Variants in AVEN observed in about 807,000 individuals in gnomAD.
AVEN encodes the protein apoptosis and caspase activation inhibitor.
In AVEN, 41 loss-of-function variants were observed where a neutral mutation model predicts 38.1. The ratio of observed to expected loss-of-function variants is 1.08; its 90% CI spans 0.84 to 1.40. The LOEUF (loss-of-function observed/expected upper bound fraction) is 1.40. Ranked by LOEUF, AVEN falls within the 40% of genes most tolerant of loss-of-function variation. The pLI, the probability that AVEN is intolerant of heterozygous loss-of-function variation, is 0.00. For missense variants in AVEN, 605 were observed against 438.8 expected (o/e 1.38, Z -3.38); for synonymous variants, 206 against 171.8 (o/e 1.20, Z -1.56).
intron 1 of AVEN, among the ~76,000 whole-genome samples, chr15:34,017,438 G>A (rs1391394958): frequency 6.7e-6 from 1 of 149,760 alleles, no homozygotes; most frequent in East Asian, 2.0e-4. Flanking sequence ...ATTCTCGTAA[G>A]ATGCCAATTA....
At chr15:33,958,768 T>TA (rs1171683904) in intron 2 of AVEN, among the ~76,000 whole-genome samples, 1 of 152,210 alleles carries the variant, frequency 6.6e-6, no homozygotes. Flanking sequence ...TTGTTTATTT[T>TA]ACCTGGTCTG....
In AVEN at chr15:33,908,951, C is replaced by T. The variant is rs141649413; in HGVS notation, c.446-32956G>A. Among the ~76,000 whole-genome samples, 708 of 152,282 alleles carry T rather than the reference C, an allele frequency of 4.6e-3. 6 individuals carry two copies. The highest frequency in any genetic ancestry group is 0.017 in the African/African-American group (686 of 41,550). On this transcript the variant is annotated intron_variant, in intron 2 of 5. Transcript: ENST00000306730. ...CCTGAGATCTGGGCAGTTTCCTTCA[C>T]ATGATTTTTGCTGAATTCTGAAGCT...
At chr15:33,999,948 G>A (rs572775357) in intron 2 of AVEN, among the ~76,000 whole-genome samples, 25 of 152,250 alleles carry the variant, frequency 1.6e-4, no homozygotes, top group African/African-American at 5.5e-4. Context: ...AATACTACGC[G>A]ATCTGGCTGG....
chr15:33,853,016 G>C, the AVEN span: 1 of 1,591,130 alleles, frequency 6.3e-7, no homozygotes, highest in Admixed American at 1.8e-5. Context: ...TAAGAATGAA[G>C]AACCAACCTT....
intron 2 of AVEN, among the ~76,000 whole-genome samples, chr15:33,939,772 C>T (rs559077339): frequency 6.6e-6 from 1 of 152,104 alleles, no homozygotes; most frequent in South Asian, 2.1e-4. Context: ...AACACTACCC[C>T]CTAATGTAAT....
intron 2 of AVEN, among the ~76,000 whole-genome samples, chr15:33,880,671 A>G (rs16958185): frequency 0.028 from 4,235 of 152,288 alleles, 196 homozygotes; most frequent in African/African-American, 0.095. Context: ...ATAATTTTTA[A>G]TTTACAATGT....
At chr15:34,047,441 C>G (rs1350786241) in intron 5 of AVEN, among the ~76,000 whole-genome samples, 3 of 152,180 alleles carry the variant, frequency 2.0e-5, no homozygotes, top group East Asian at 3.9e-4. Flanking sequence ...TCCATCTGCA[C>G]ATACCCCTAG....
At chr15:33,955,491 C>T (rs546005943) in intron 2 of AVEN, among the ~76,000 whole-genome samples, 117 of 152,244 alleles carry the variant, frequency 7.7e-4, no homozygotes, top group Non-Finnish European at 1.6e-3. Flanking sequence ...AGAATTATAA[C>T]GTCCTAGACC....
At chr15:33,906,616 A>T (rs924484390) in intron 2 of AVEN, among the ~76,000 whole-genome samples, 1 of 152,238 alleles carries the variant, frequency 6.6e-6, no homozygotes, top group Non-Finnish European at 1.5e-5. Flanking sequence ...TGCTAAGTGA[A>T]TAAACCAGTC....
At chr15:34,034,826 A>C (rs1380453518) in intron 1 of AVEN, among the ~76,000 whole-genome samples, 2 of 152,216 alleles carry the variant, frequency 1.3e-5, no homozygotes, top group African/African-American at 2.4e-5. Flanking sequence ...TCTTAAAGCA[A>C]TCTTCTGTTG....
At chr15:33,930,724 G>A (rs570300704) in intron 2 of AVEN, among the ~76,000 whole-genome samples, 1 of 152,302 alleles carries the variant, frequency 6.6e-6, no homozygotes, top group East Asian at 1.9e-4. Context: ...GGGAGGCCGA[G>A]GCAGGAGGAT....
intron 3 of AVEN, among the ~76,000 whole-genome samples, chr15:33,875,326 A>C (rs551386499): frequency 2.0e-5 from 3 of 152,318 alleles, no homozygotes; most frequent in East Asian, 3.9e-4. Flanking sequence ...AAGGGGGAGA[A>C]TATCTGTCAT....
intron 2 of AVEN, among the ~76,000 whole-genome samples, chr15:33,988,192 T>G (rs540512284): frequency 5.1e-4 from 77 of 152,284 alleles, no homozygotes; most frequent in African/African-American, 1.6e-3. Flanking sequence ...CTTCTTTTTT[T>G]GCAGAAACAA....
intron 2 of AVEN, among the ~76,000 whole-genome samples, chr15:33,970,347 G>A (rs1387998281): frequency 6.6e-6 from 1 of 151,822 alleles, no homozygotes; most frequent in Non-Finnish European, 1.5e-5. Flanking sequence ...AGTCATTACA[G>A]AAACTTACCT....
intron 1 of AVEN, among the ~76,000 whole-genome samples, chr15:34,009,489 C>G (rs952956258): frequency 6.6e-6 from 1 of 152,004 alleles, no homozygotes; most frequent in Admixed American, 6.6e-5. Flanking sequence ...AAATCAATAT[C>G]CAACTACAGC....
intron 2 of AVEN, among the ~76,000 whole-genome samples, chr15:33,972,829 TCA>T (rs1895700135): frequency 6.6e-6 from 1 of 152,158 alleles, no homozygotes; most frequent in African/African-American, 2.4e-5. Flanking sequence ...ATTCAGAGTA[TCA>T]GTCATTTGTG....
intron 2 of AVEN, among the ~76,000 whole-genome samples, chr15:33,903,874 C>T (rs910405053): frequency 6.6e-6 from 1 of 152,154 alleles, no homozygotes; most frequent in Non-Finnish European, 1.5e-5. Flanking sequence ...ACCGAGATGG[C>T]ATGGCCTACC....
chr15:34,035,543 T>C (rs1038920947), intron 1 of AVEN, among the ~76,000 whole-genome samples: 1 of 152,146 alleles, frequency 6.6e-6, no homozygotes, highest in Non-Finnish European at 1.5e-5. Flanking sequence ...ATTTTCTGGT[T>C]GAGTGATATT....
At chr15:33,909,059 G>A (rs1215668525) in intron 2 of AVEN, among the ~76,000 whole-genome samples, 2 of 152,122 alleles carry the variant, frequency 1.3e-5, no homozygotes, top group African/African-American at 4.8e-5. Context: ...TGCCTGCCTG[G>A]GCTGTCCCTC....
Sources: gnomAD v4.1 joint callset for allele counts (sites outside exome capture counted in the v4.1 genomes callset) on GRCh38, gnomAD v4.1.1 for gene constraint, MANE v1.5 for transcripts, NCBI Gene and HGNC (gene_info 2026-07-23, HGNC 2026-07-21) for gene names.